INSC: variants seen among roughly 807,000 people sequenced by gnomAD.
INSC encodes INSC spindle orientation adaptor protein.
INSC carries 67 observed loss-of-function variants against 58.6 expected under a neutral mutation model. That is an observed-to-expected ratio of 1.14 (90% CI 0.94 to 1.40). The LOEUF (loss-of-function observed/expected upper bound fraction) is 1.40. INSC is among the 40% of genes most tolerant of loss of function. INSC has a pLI of 0.00. For missense variants in INSC, 714 were observed against 692.0 expected (o/e 1.03, Z -0.36); for synonymous variants, 262 against 276.1 (o/e 0.95, Z 0.51).
At position 15,229,615 on chromosome 11, in the gene INSC, G is replaced by A. The variant is rs1490361089; in HGVS notation, c.1170+3787G>A. On this transcript the variant is annotated intron_variant, in intron 9 of 12. Coordinates refer to ENST00000379556, the MANE Select transcript of INSC (RefSeq NM_001042536.3). ...GATTAGATGGGATAACGCTCATAAA[G>A]TACTTAGAAGCAAAGCGAATACCCA... Among the ~76,000 whole-genome samples, 21 of 152,032 alleles carry A rather than the reference G, an allele frequency of 1.4e-4. No homozygotes were observed. The East Asian group carries it at 3.9e-3, about 28-fold the overall frequency.
downstream of INSC, chr11:15,247,311 A>T (rs1852597294): frequency 6.6e-6 from 1 of 152,192 alleles, no homozygotes; most frequent in Non-Finnish European, 1.5e-5. Flanking sequence ...AGTATTAATT[A>T]GTATATTCAT....
At chr11:15,209,726 C>G (rs1232964590) in intron 7 of INSC, among the ~76,000 whole-genome samples, 1 of 152,190 alleles carries the variant, frequency 6.6e-6, no homozygotes, top group Non-Finnish European at 1.5e-5. Flanking sequence ...CGTTCTTCCT[C>G]ATTGCAGATG....
chr11:15,151,429 G>A (rs938580551), intron 2 of INSC, among the ~76,000 whole-genome samples: 1 of 152,132 alleles, frequency 6.6e-6, no homozygotes, highest in Non-Finnish European at 1.5e-5. Flanking sequence ...CTCCCACCAG[G>A]TAGTGAAAAC....
intron 10 of INSC, among the ~76,000 whole-genome samples, chr11:15,237,729 G>T (rs573542460): frequency 6.6e-6 from 1 of 152,258 alleles, no homozygotes; most frequent in Admixed American, 6.5e-5. Flanking sequence ...ACTCAGACAG[G>T]TAATGTAAAT....
At chr11:15,207,227 TG>T (rs1280618833) in intron 7 of INSC, among the ~76,000 whole-genome samples, 1 of 152,206 alleles carries the variant, frequency 6.6e-6, no homozygotes, top group African/African-American at 2.4e-5. Context: ...AGGACAGTTC[TG>T]GTCATTGTCT....
At chr11:15,255,473 G>A in the INSC span, among the ~76,000 whole-genome samples, 1 of 152,154 alleles carries the variant, frequency 6.6e-6, no homozygotes, top group Admixed American at 6.5e-5. Flanking sequence ...TCAGAGTAAA[G>A]CATCAAAGAC....
chr11:15,208,431 A>G (rs1178226860), intron 7 of INSC, among the ~76,000 whole-genome samples: 1 of 152,192 alleles, frequency 6.6e-6, no homozygotes, highest in African/African-American at 2.4e-5. Context: ...GCAAGGGGGC[A>G]GGGCCCATGA....
chr11:15,187,383 C>T (rs995779945), intron 5 of INSC, among the ~76,000 whole-genome samples: 1 of 151,834 alleles, frequency 6.6e-6, no homozygotes, highest in Non-Finnish European at 1.5e-5. Context: ...TAATCTACTG[C>T]ATCCTGTCAA....
intron 1 of INSC, among the ~76,000 whole-genome samples, chr11:15,146,799 T>C (rs554682500): frequency 1.3e-5 from 2 of 152,354 alleles, no homozygotes; most frequent in African/African-American, 2.4e-5. Context: ...ATCTGCCTCT[T>C]AGAAATTCAG....
chr11:15,206,243 A>G (rs1201025212), intron 7 of INSC, among the ~76,000 whole-genome samples: 1 of 152,170 alleles, frequency 6.6e-6, no homozygotes, highest in Non-Finnish European at 1.5e-5. Context: ...GGCTATAAGC[A>G]GGAGGCCCCA....
chr11:15,134,889 T>C, intron 1 of INSC, among the ~76,000 whole-genome samples: 1 of 151,702 alleles, frequency 6.6e-6, no homozygotes, highest in Non-Finnish European at 1.5e-5. Flanking sequence ...TTCAGGTTGC[T>C]TTGGCATCAC....
intron 6 of INSC, among the ~76,000 whole-genome samples, chr11:15,195,216 C>T (rs1850325102): frequency 6.6e-6 from 1 of 152,162 alleles, no homozygotes; most frequent in Non-Finnish European, 1.5e-5. Context: ...CCAACAGCTC[C>T]AACCTCTGAG....
chr11:15,136,831 A>G (rs894381391), intron 1 of INSC, among the ~76,000 whole-genome samples: 3 of 152,182 alleles, frequency 2.0e-5, no homozygotes, highest in African/African-American at 7.2e-5. Flanking sequence ...TCCTGTTAAT[A>G]TTGATATTTT....
chr11:15,114,246 C>T (rs899530948), upstream of INSC, among the ~76,000 whole-genome samples: 19 of 30,188 alleles, frequency 6.3e-4, no homozygotes, highest in African/African-American at 2.6e-3. Flanking sequence ...GAGTCCAGGA[C>T]GGGGGTGGGG....
intron 8 of INSC, among the ~76,000 whole-genome samples, chr11:15,223,055 G>A (rs1177731190): frequency 6.6e-6 from 1 of 152,214 alleles, no homozygotes; most frequent in Non-Finnish European, 1.5e-5. Flanking sequence ...AGAGAGCCAG[G>A]TGGAAGAATA....
rs750739282 is a variant in INSC at position 15,200,827 on chromosome 11, G to A, written c.697G>A (p.Gly233Ser). The A allele has an allele frequency of 4.3e-6, 7 of 1,613,902 alleles. No individual in the cohort carries two copies. The Admixed American group carries it at 1.2e-4, about 27-fold the overall frequency. ...APLCRIIAKE[G>S]GVVALFKVCR... ...TGACATTTCTTTCTCTTGGCAGGAG[G>A]GTGGGGTCGTAGCACTCTTCAAGGT... is the stretch of plus-strand genomic sequence containing the variant. The change falls in exon 7 of 13, where the codon GGT becomes AGT. Residue 233 changes from glycine (G) to serine (S), a missense_variant. Coordinates refer to ENST00000379556, the MANE Select transcript of INSC (RefSeq NM_001042536.3).
At chr11:15,185,660 G>A (rs1230993610) in intron 5 of INSC, among the ~76,000 whole-genome samples, 3 of 151,940 alleles carry the variant, frequency 2.0e-5, no homozygotes, top group Non-Finnish European at 4.4e-5. Context: ...ATTGAAATGG[G>A]AATATAAATT....
chr11:15,213,152 T>A (rs1017557557), intron 7 of INSC, among the ~76,000 whole-genome samples: 2 of 151,978 alleles, frequency 1.3e-5, no homozygotes, highest in South Asian at 2.1e-4. Flanking sequence ...TTTTTTTTTT[T>A]AATTATACTT....
At chr11:15,149,262 C>A (rs58463716) in intron 2 of INSC, 32 bp downstream of exon 2, 3 of 1,483,340 alleles carry the variant, frequency 2.0e-6, no homozygotes, top group Non-Finnish European at 1.8e-6. Context: ...CCAGGCCAGG[C>A]CTGCCCCATC....
Sources: allele counts gnomAD v4.1 joint callset (sites outside exome capture counted in the v4.1 genomes callset), GRCh38; gene constraint gnomAD v4.1.1; transcripts MANE v1.5; gene names NCBI Gene and HGNC (gene_info 2026-07-23, HGNC 2026-07-21).